Variants in NHLH2 observed in about 807,000 individuals in gnomAD.
The protein encoded by NHLH2 is helix-loop-helix protein 2.
In NHLH2, 7 loss-of-function variants were observed where a neutral mutation model predicts 7.3. The observed-to-expected ratio is 0.96, with a 90% confidence interval of 0.55 to 1.81. The LOEUF (loss-of-function observed/expected upper bound fraction) is 1.81. Ranked by LOEUF, NHLH2 falls within the 40% of genes most tolerant of loss-of-function variation. NHLH2 has a pLI of 0.00. For missense variants in NHLH2, 155 were observed against 194.0 expected (o/e 0.80, Z 1.19); for synonymous variants, 93 against 91.6 (o/e 1.01, Z -0.09).
downstream of NHLH2, among the ~76,000 whole-genome samples, chr1:115,833,985 T>A (rs1012187950): frequency 6.6e-6 from 1 of 152,192 alleles, no homozygotes; most frequent in African/African-American, 2.4e-5. Flanking sequence ...TACGTGTTCA[T>A]GGGGCAGGGC....
rs1180464475 is a variant in NHLH2 at position 115,838,287 on chromosome 1, G to A, written c.86C>T (p.Thr29Ile). Residue 29 changes from threonine to isoleucine, a missense_variant, in exon 3 of 3, where the codon ACC (threonine) becomes ATC (isoleucine). This residue lies in a region of NHLH2 where 91 missense variants were observed against 86.6 expected (regional missense o/e 1.05). Coordinates refer to ENST00000320238, the MANE Select transcript of NHLH2 (RefSeq NM_005599.3). The part of the protein sequence containing the change: ...SDPESLGGTD[T>I]KVLGSVSDLE... ...GTCCGACACGCTGCCGAGCACCTTG[G>A]TGTCCGTGCCGCCCAGGGACTCCGG... The A allele has an allele frequency of 6.2e-7, 1 of 1,607,730 alleles. No homozygotes were observed.
rs1650922381 is a variant in NHLH2, at chr1:115,837,863, G to C, written c.*102C>G. ...GGCCGTCTCTCGAGGCGGCCGTCTC[G>C]CTGGGCCACCGCAGCCTCCGCCACC... On this transcript the variant is annotated 3_prime_UTR_variant, in exon 3 of 3. Coordinates refer to ENST00000320238, the MANE Select transcript of NHLH2 (RefSeq NM_005599.3). The C allele has an allele frequency of 2.3e-6, 3 of 1,297,814 alleles. No homozygotes were observed. The highest frequency in any genetic ancestry group is 3.1e-6 in the Non-Finnish European group (3 of 965,568). 80.4% of individuals were successfully genotyped at this position (1,297,814 alleles called of 1,614,324 possible).
chr1:115,832,155 A>G (rs1650769067), downstream of NHLH2, among the ~76,000 whole-genome samples: 1 of 152,170 alleles, frequency 6.6e-6, no homozygotes, highest in Non-Finnish European at 1.5e-5. Context: ...TGCTATGGGA[A>G]AAACCAAGGT....
Position 115,837,828 on chromosome 1 carries a change from C to T in NHLH2, c.*137G>A. ...CTGACCAGAGAGAACAGGTAGCGAG[C>T]TTCTTCCCCGGCCGTCTCTCGAGGC... On this transcript the variant is annotated 3_prime_UTR_variant, in exon 3 of 3. Coordinates refer to ENST00000320238, the MANE Select transcript of NHLH2 (RefSeq NM_005599.3). 2 of 933,898 alleles carry T rather than the reference C, an allele frequency of 2.1e-6. No homozygotes were observed. The highest frequency in any genetic ancestry group is 3.1e-6 in the Non-Finnish European group (2 of 650,622). 57.9% of individuals were successfully genotyped at this position (933,898 alleles called of 1,614,324 possible).
chr1:115,832,240 G>C (rs1650771725), downstream of NHLH2, among the ~76,000 whole-genome samples: 2 of 152,158 alleles, frequency 1.3e-5, no homozygotes, highest in Admixed American at 1.3e-4. Flanking sequence ...AACTCTACAG[G>C]TGTGCATGTG....
chr1:115,839,403 C>A (rs1363043921), intron 2 of NHLH2: 1 of 166,780 alleles, frequency 6.0e-6, no homozygotes, highest in Non-Finnish European at 1.5e-5. Flanking sequence ...GCAGCTGTCC[C>A]CGGGTGGCCT....
intron 1 of NHLH2, 89 bp from the exon 2 acceptor site, chr1:115,840,633 A>G (rs1651045775): frequency 1.2e-5 from 2 of 166,986 alleles, no homozygotes; most frequent in Admixed American, 1.3e-4. Context: ...AATCAATAAG[A>G]AAGATGGTTA....
At position 115,838,305 on chromosome 1, in the gene NHLH2, G is replaced by GACGCCCGTGCCCGC. The variant is rs1378531807; in HGVS notation, c.67_68insGCGGGCACGGGCGT (p.Ser23CysfsTer46). The GACGCCCGTGCCCGC allele has an allele frequency of 6.2e-7, 1 of 1,609,316 alleles. No individual in the cohort carries two copies. Among genetic ancestry groups the GACGCCCGTGCCCGC allele is most frequent in the Admixed American group, 1.7e-5 (1 of 59,974 alleles). The stretch of plus-strand genomic sequence containing the variant: ...CACCTTGGTGTCCGTGCCGCCCAGG[G>GACGCCCGTGCCCGC]ACTCCGGATCCGAGTGCGCCGAGCT... On this transcript the variant is annotated frameshift_variant, in exon 3 of 3. Transcript: ENST00000320238. LOFTEE classifies it high-confidence loss of function.
intron 2 of NHLH2, chr1:115,839,513 T>G (rs1035787574): frequency 6.0e-6 from 1 of 166,674 alleles, no homozygotes; most frequent in Non-Finnish European, 1.5e-5. Flanking sequence ...CCTGGAGCAC[T>G]GGCCCGGACT....
At chr1:115,832,069 G>A (rs1650767265), downstream of NHLH2, among the ~76,000 whole-genome samples, 1 of 152,124 alleles carries the variant, frequency 6.6e-6, no homozygotes, top group Admixed American at 6.5e-5. Flanking sequence ...TCTGCTTCTA[G>A]ACCTATCTTT....
chr1:115,836,604 G>T lies in NHLH2; in HGVS notation c.*1361C>A, dbSNP rs1353071469. The stretch of plus-strand genomic sequence containing the variant: ...TCCTTGTTTTAAGAGTTTCACAGCA[G>T]AGAACATGAAACATTTTCAGGTTAT... On this transcript the variant is annotated 3_prime_UTR_variant, in exon 3 of 3. Coordinates refer to ENST00000320238, the MANE Select transcript of NHLH2 (RefSeq NM_005599.3). 6.6e-6 allele frequency: 1 copy of T among 152,518 alleles called. No individual in the cohort carries two copies. The highest frequency in any genetic ancestry group is 1.5e-5 in the Non-Finnish European group (1 of 68,000). The allele number at this position is 152,518 out of a possible 1,614,324, so 9.4% of individuals were successfully genotyped here. A position where few individuals can be genotyped will look rare whatever the true frequency, so the allele number is the denominator to read the frequency against.
chr1:115,840,141 G>T (rs1199158163), intron 2 of NHLH2, 75 bp downstream of exon 2: 1 of 166,918 alleles, frequency 6.0e-6, no homozygotes, highest in Non-Finnish European at 1.5e-5. Context: ...TTTATGGAAT[G>T]AACTGCATCT....
rs763421962 is a variant in NHLH2 at position 115,838,184 on chromosome 1, C to T, written c.189G>A (p.Leu63=). Residue 63 remains leucine, a synonymous_variant, in exon 3 of 3, where the codon CTG becomes CTA. Transcript: ENST00000320238. ...RAALYPHPQQ[L]SREEKRRRRR... ...GGCGGCGGCGCTTCTCCTCGCGGCT[C>T]AGCTGCTGCGGGTGCGGGTAGAGCG... 6.4e-7 allele frequency: 1 copy of T among 1,574,460 alleles called. No homozygotes were observed. Among genetic ancestry groups the T allele is most frequent in the Non-Finnish European group, 8.6e-7 (1 of 1,161,418 alleles).
rs1217788325 is a variant in NHLH2, at chr1:115,836,765, A to G, written c.*1200T>C. 6.6e-6 allele frequency: 1 copy of G among 152,202 alleles called. No individual in the cohort carries two copies. Among genetic ancestry groups the G allele is most frequent in the Non-Finnish European group, 1.5e-5 (1 of 68,016 alleles). The allele number at this position is 152,202 out of a possible 1,614,324, so 9.4% of individuals were successfully genotyped here. On this transcript the variant is annotated 3_prime_UTR_variant, in exon 3 of 3. Coordinates refer to ENST00000320238, the MANE Select transcript of NHLH2 (RefSeq NM_005599.3). ...CACACAAAGAAGCTACTCTCCTTATAAACAGCTTGTAAAGGACTTCTCAGA... is the reference window on the plus strand; with the variant it reads ...CACACAAAGAAGCTACTCTCCTTATGAACAGCTTGTAAAGGACTTCTCAGA...
At chr1:115,835,696 C>T (rs1650852481), downstream of NHLH2, among the ~76,000 whole-genome samples, 2 of 152,220 alleles carry the variant, frequency 1.3e-5, no homozygotes, top group South Asian at 4.1e-4. Context: ...GATATAGACT[C>T]ATACTTCATA....
At position 115,837,595 on chromosome 1, in the gene NHLH2, T is replaced by C. The variant is rs1365308759; in HGVS notation, c.*370A>G. On this transcript the variant is annotated 3_prime_UTR_variant, in exon 3 of 3. Coordinates refer to ENST00000320238, the MANE Select transcript of NHLH2 (RefSeq NM_005599.3). ...TACTCTGAACTTCTGCCCTCATTCT[T>C]TCAACACATTAAGATTTGTGGCGGA... 8.1e-6 allele frequency: 2 copies of C among 248,380 alleles called. No individual in the cohort carries two copies. Among genetic ancestry groups the C allele is most frequent in the Non-Finnish European group, 1.5e-5 (2 of 129,772 alleles). 15.4% of individuals were successfully genotyped at this position (248,380 alleles called of 1,614,324 possible).
downstream of NHLH2, among the ~76,000 whole-genome samples, chr1:115,832,174 A>G (rs1650769699): frequency 6.6e-6 from 1 of 152,152 alleles, no homozygotes; most frequent in African/African-American, 2.4e-5. Context: ...GTAAAAGAGA[A>G]AAGGCATAGA....
At position 115,838,164 on chromosome 1, in the gene NHLH2, C is replaced by T; in HGVS notation, c.209G>A (p.Arg70His). The T allele has an allele frequency of 6.3e-7, 1 of 1,583,020 alleles. No homozygotes were observed. Among genetic ancestry groups the T allele is most frequent in the Non-Finnish European group, 8.6e-7 (1 of 1,166,320 alleles). The change falls in exon 3 of 3, where the codon CGC becomes CAC. Residue 70 changes from arginine (R) to histidine (H), a missense_variant. Physicochemically the swap from Arg to His is conservative, Grantham distance 29. This residue lies in a region of NHLH2 where 64 missense variants were observed against 107.4 expected (regional missense o/e 0.60). Transcript: ENST00000320238. The stretch of plus-strand genomic sequence containing the variant: ...GTACTTGGCCGTGGCGCGCCGGCGG[C>T]GGCGCTTCTCCTCGCGGCTCAGCTG... ...PQQLSREEKR[R>H]RRRATAKYRS...
At chr1:115,836,129 A>G (rs1015620492), downstream of NHLH2, among the ~76,000 whole-genome samples, 3 of 152,194 alleles carry the variant, frequency 2.0e-5, no homozygotes, top group Non-Finnish European at 2.9e-5. Context: ...AATATTTTAT[A>G]TAAACACTAT....
Sources: gnomAD v4.1 joint callset for allele counts (sites outside exome capture counted in the v4.1 genomes callset) on GRCh38, gnomAD v4.1.1 for gene constraint, gnomAD v4.1.1 regional missense constraint, MANE v1.5 for transcripts, NCBI Gene and HGNC (gene_info 2026-07-23, HGNC 2026-07-21) for gene names.